The following MCM9 variants were observed in gnomAD, a reference collection of about 807,000 sequenced individuals.
MCM9 encodes minichromosome maintenance 9 homologous recombination repair factor.
Under a neutral mutation model 72.8 loss-of-function variants are expected in MCM9, and 55 were observed. The observed-to-expected ratio is 0.76, with a 90% CI of 0.61 to 0.95. The LOEUF (loss-of-function observed/expected upper bound fraction) is 0.95. MCM9 is among the 40% of genes least tolerant of loss of function. MCM9 has a pLI of 0.00. For synonymous variants in MCM9, 480 were observed against 503.4 expected (o/e 0.95, Z 0.62); for missense variants, 1,279 against 1,377.0 (o/e 0.93, Z 1.13).
chr6:118,815,589 G>A lies in MCM9; in HGVS notation c.2667C>T (p.Asp889=). The part of the protein sequence containing the change: ...TPVHSPDRML[D]SPKRKRPKSL... Reference sequence around the variant, plus strand: ...ATTTCGGTCTCTTTCTTTTGGGTGAGTCCAGCATTCTGTCTGGGCTATGTA... The same window carrying A: ...ATTTCGGTCTCTTTCTTTTGGGTGAATCCAGCATTCTGTCTGGGCTATGTA... Residue 889 remains aspartate (D), a synonymous_variant, in exon 14 of 14, where the codon GAC becomes GAT. Transcript: ENST00000619706. 1.3e-6 allele frequency: 2 copies of A among 1,550,384 alleles called. No individual in the cohort carries two copies. Among genetic ancestry groups the A allele is most frequent in the Non-Finnish European group, 1.7e-6 (2 of 1,146,888 alleles).
chr6:118,897,597 A>C (rs1035113777), intron 8 of MCM9, among the ~76,000 whole-genome samples: 1 of 152,124 alleles, frequency 6.6e-6, no homozygotes, highest in Non-Finnish European at 1.5e-5. Context: ...CAAGTAGTGT[A>C]ATTAGCTAAA....
At chr6:118,907,226 C>A (rs1780242797) in intron 8 of MCM9, among the ~76,000 whole-genome samples, 2 of 152,148 alleles carry the variant, frequency 1.3e-5, no homozygotes, top group South Asian at 4.1e-4. Flanking sequence ...TTTGCTACAG[C>A]CCTAGTCGTT....
intron 8 of MCM9, among the ~76,000 whole-genome samples, chr6:118,861,453 ATTC>A (rs1335437939): frequency 6.6e-6 from 1 of 152,184 alleles, no homozygotes; most frequent in African/African-American, 2.4e-5. Context: ...CAGGTCCTGC[ATTC>A]TTGTCTCATC....
chr6:118,891,565 T>C (rs1778945103), intron 8 of MCM9, among the ~76,000 whole-genome samples: 1 of 152,174 alleles, frequency 6.6e-6, no homozygotes, highest in Non-Finnish European at 1.5e-5. Flanking sequence ...TGTGTGCGTG[T>C]GACCCTTGTG....
intron 6 of MCM9, among the ~76,000 whole-genome samples, chr6:118,914,401 C>T (rs887875185): frequency 1.3e-5 from 2 of 152,134 alleles, no homozygotes; most frequent in Admixed American, 6.5e-5. Flanking sequence ...CTTTCCACGA[C>T]TTATGGCCCT....
chr6:118,878,421 G>C (rs966641803), intron 8 of MCM9, among the ~76,000 whole-genome samples: 7 of 151,958 alleles, frequency 4.6e-5, no homozygotes, highest in African/African-American at 1.5e-4. Flanking sequence ...TAACTATATA[G>C]GTAAAAAATG....
At chr6:118,834,340 T>C (rs1774802680) in intron 9 of MCM9, among the ~76,000 whole-genome samples, 1 of 152,226 alleles carries the variant, frequency 6.6e-6, no homozygotes, top group South Asian at 2.1e-4. Flanking sequence ...TGTGTCTTTA[T>C]AGTAGAATGA....
chr6:118,822,635 G>A (rs529272844), intron 13 of MCM9, among the ~76,000 whole-genome samples: 1 of 152,170 alleles, frequency 6.6e-6, no homozygotes, highest in African/African-American at 2.4e-5. Context: ...CCTTAGCAGA[G>A]TGTGCTGCTA....
At chr6:118,882,293 G>A (rs1224612867) in intron 8 of MCM9, among the ~76,000 whole-genome samples, 4 of 152,172 alleles carry the variant, frequency 2.6e-5, no homozygotes, top group African/African-American at 7.2e-5. Flanking sequence ...ACAAAAACAG[G>A]GAAAGGAAAA....
rs535812885 is a variant in MCM9, at chr6:118,815,654, C to A, written c.2602G>T (p.Ala868Ser). Reference sequence around the variant, plus strand: ...GGATGGGAAGGGACTGTGCACTGTGCAGGCACCCTGGTGCTATTTCTGCAC... The same window carrying A: ...GGATGGGAAGGGACTGTGCACTGTGAAGGCACCCTGGTGCTATTTCTGCAC... ...KLCRNSTRVP[A>S]QCTVPSHPQS... Residue 868 changes from alanine (A) to serine (S), a missense_variant, in exon 14 of 14, where the codon GCA becomes TCA. Transcript: ENST00000619706. 1.3e-6 allele frequency: 2 copies of A among 1,550,108 alleles called. No homozygotes were observed. Among genetic ancestry groups the A allele is most frequent in the Admixed American group, 3.9e-5 (2 of 50,966 alleles).
At chr6:118,917,785 C>A in intron 5 of MCM9, 24 bp from the exon 6 acceptor site, 1 of 1,597,328 alleles carries the variant, frequency 6.3e-7, no homozygotes, top group Non-Finnish European at 8.6e-7. Flanking sequence ...TCAAGTGAGT[C>A]CAGCAGTAGC....
intron 12 of MCM9, among the ~76,000 whole-genome samples, chr6:118,826,555 G>A (rs1349668280): frequency 1.3e-5 from 2 of 152,058 alleles, no homozygotes; most frequent in Admixed American, 1.3e-4. Context: ...CGATCGAAGC[G>A]CACTACTTTA....
At chr6:118,825,212 T>A (rs1158271654) in intron 13 of MCM9, among the ~76,000 whole-genome samples, 4 of 152,136 alleles carry the variant, frequency 2.6e-5, no homozygotes, top group Non-Finnish European at 5.9e-5. Context: ...ATAACTTTGA[T>A]CTTGGCACCA....
intron 8 of MCM9, among the ~76,000 whole-genome samples, chr6:118,876,942 G>C (rs946871239): frequency 6.6e-6 from 1 of 152,162 alleles, no homozygotes; most frequent in African/African-American, 2.4e-5. Flanking sequence ...AGAGCTTTGT[G>C]ACTGCCTTGA....
intron 8 of MCM9, among the ~76,000 whole-genome samples, chr6:118,909,479 C>T (rs1011540338): frequency 1.3e-5 from 2 of 152,138 alleles, no homozygotes; most frequent in Non-Finnish European, 2.9e-5. Context: ...GAAACTGTAG[C>T]ACATAAGTTT....
intron 13 of MCM9, among the ~76,000 whole-genome samples, chr6:118,824,270 T>C (rs1347758335): frequency 6.6e-6 from 1 of 152,106 alleles, no homozygotes; most frequent in Non-Finnish European, 1.5e-5. Flanking sequence ...TACTGATAAT[T>C]GTTAAAGTTC....
chr6:118,913,476 A>T, intron 6 of MCM9, 56 bp from the exon 7 acceptor site: 2 of 1,607,556 alleles, frequency 1.2e-6, no homozygotes, highest in African/African-American at 1.3e-5. Context: ...ACCCCAACTG[A>T]AATTTCCCTT....
rs531881318 is a variant in MCM9 at position 118,822,732 on chromosome 6, C to G, written c.1961+3415G>C. ...TGCTGAAGCAACACCCACAGCTTCC[C>G]CTTCCCCCAGGTGCTCTGTCCCAGG... On this transcript the variant is annotated intron_variant, in intron 13 of 13. Transcript: ENST00000619706. Among the ~76,000 whole-genome samples, 7 of 152,298 alleles carry G rather than the reference C, an allele frequency of 4.6e-5. No homozygotes were observed. The East Asian group carries it at 1.4e-3, about 29-fold the overall frequency.
chr6:118,893,444 A>AT (rs570918246), intron 8 of MCM9, among the ~76,000 whole-genome samples: 51 of 151,694 alleles, frequency 3.4e-4, no homozygotes, highest in Middle Eastern at 3.4e-3. Context: ...ACCTCTTGTG[A>AT]TTTTTTTTTA....
Sources: allele counts gnomAD v4.1 joint callset (sites outside exome capture counted in the v4.1 genomes callset), GRCh38; gene constraint gnomAD v4.1.1; transcripts MANE v1.5; gene names NCBI Gene and HGNC (gene_info 2026-07-23, HGNC 2026-07-21).